The following CSMD1 variants were observed in gnomAD, a reference collection of about 807,000 sequenced individuals.
CSMD1 encodes CUB and Sushi multiple domains 1, also known as CUB and sushi domain-containing protein 1.
Under a neutral mutation model 417.5 loss-of-function variants are expected in CSMD1, and 213 were observed. The ratio of observed to expected loss-of-function variants is 0.51; its 90% CI spans 0.46 to 0.57. CSMD1 has a LOEUF of 0.57. CSMD1 is among the 20% of genes least tolerant of loss of function. The pLI, the probability that CSMD1 is intolerant of heterozygous loss-of-function variation, is 0.00. For synonymous variants in CSMD1, 2,862 were observed against 1,736.8 expected (o/e 1.65, Z -16.11); for missense variants, 6,923 against 4,529.7 (o/e 1.53, Z -15.17).
intron 3 of CSMD1, among the ~76,000 whole-genome samples, chr8:4,356,416 T>C (rs1420366378): frequency 3.3e-5 from 5 of 152,200 alleles, no homozygotes; most frequent in East Asian, 1.9e-4. Flanking sequence ...CAATTGTCAA[T>C]TGTGCTACTA....
intron 3 of CSMD1, among the ~76,000 whole-genome samples, chr8:4,144,409 G>C (rs541574091): frequency 6.6e-6 from 1 of 151,170 alleles, no homozygotes; most frequent in East Asian, 1.9e-4. Context: ...TGTTTTGCCA[G>C]GAAAAATCTG....
At chr8:3,153,176 G>C (rs1213642675) in intron 39 of CSMD1, among the ~76,000 whole-genome samples, 1 of 152,120 alleles carries the variant, frequency 6.6e-6, no homozygotes, top group Non-Finnish European at 1.5e-5. Context: ...TGTGACCTCT[G>C]GTTGTCCTCA....
At chr8:3,260,159 G>C (rs953070737) in intron 26 of CSMD1, among the ~76,000 whole-genome samples, 3 of 152,088 alleles carry the variant, frequency 2.0e-5, no homozygotes, top group Admixed American at 6.6e-5. Flanking sequence ...TCATGTCTTT[G>C]AGTTAAGCAA....
intron 52 of CSMD1, among the ~76,000 whole-genome samples, chr8:3,017,866 C>T (rs1008082287): frequency 1.6e-5 from 2 of 128,554 alleles, no homozygotes; most frequent in African/African-American, 6.1e-5. Context: ...TTCAGAAGAA[C>T]CAAAGGCAAG....
At chr8:4,090,021 G>C (rs143290977) in intron 3 of CSMD1, among the ~76,000 whole-genome samples, 1 of 152,156 alleles carries the variant, frequency 6.6e-6, no homozygotes, top group Non-Finnish European at 1.5e-5. Flanking sequence ...TTTTGTAAAG[G>C]AATTATATTT....
At chr8:3,914,902 TA>T (rs958590377) in intron 5 of CSMD1, among the ~76,000 whole-genome samples, 5 of 152,126 alleles carry the variant, frequency 3.3e-5, no homozygotes, top group African/African-American at 9.7e-5. Context: ...TCTTACAGAA[TA>T]ACTCAATAAT....
intron 5 of CSMD1, among the ~76,000 whole-genome samples, chr8:3,824,329 G>A (rs1801923942): frequency 6.6e-6 from 1 of 152,166 alleles, no homozygotes; most frequent in Non-Finnish European, 1.5e-5. Flanking sequence ...ATACTGAGAG[G>A]TTGCCAGATA....
chr8:3,884,080 C>T (rs1195537586), intron 5 of CSMD1, among the ~76,000 whole-genome samples: 1 of 152,040 alleles, frequency 6.6e-6, no homozygotes, highest in African/African-American at 2.4e-5. Context: ...CATTATTTTC[C>T]AATAAAGGTA....
chr8:4,026,010 A>T (rs1262596418), intron 4 of CSMD1, among the ~76,000 whole-genome samples: 2 of 112,280 alleles, frequency 1.8e-5, no homozygotes, highest in Non-Finnish European at 3.9e-5. Context: ...TAGGAACTCT[A>T]TAAAAAAAAA....
At chr8:4,193,659 C>A (rs1156294853) in intron 3 of CSMD1, among the ~76,000 whole-genome samples, 1 of 152,018 alleles carries the variant, frequency 6.6e-6, no homozygotes, top group East Asian at 1.9e-4. Context: ...TAGTATTTAC[C>A]CAAACACGGC....
At chr8:2,985,860 G>A (rs999541963) in intron 54 of CSMD1, among the ~76,000 whole-genome samples, 6 of 150,580 alleles carry the variant, frequency 4.0e-5, no homozygotes, top group African/African-American at 1.2e-4. Flanking sequence ...GGCCCCAGTG[G>A]CTTCTGAACT....
chr8:3,435,463 A>C (rs182295968), intron 12 of CSMD1, among the ~76,000 whole-genome samples: 35 of 151,952 alleles, frequency 2.3e-4, no homozygotes, highest in Non-Finnish European at 4.7e-4. Context: ...TTAGACCACC[A>C]CATTCTGTCC....
intron 1 of CSMD1, among the ~76,000 whole-genome samples, chr8:4,924,799 G>A (rs1428413537): frequency 2.0e-5 from 3 of 147,172 alleles, no homozygotes; most frequent in Non-Finnish European, 4.5e-5. Context: ...TTTGACATAT[G>A]TATCATATTG....
chr8:4,663,746 G>T (rs1013746966), intron 1 of CSMD1, among the ~76,000 whole-genome samples: 2 of 152,188 alleles, frequency 1.3e-5, no homozygotes, highest in Non-Finnish European at 2.9e-5. Flanking sequence ...CCAGTCACAG[G>T]TAGTTCTTTA....
At chr8:3,907,176 G>C (rs770954022) in intron 5 of CSMD1, among the ~76,000 whole-genome samples, 3 of 152,078 alleles carry the variant, frequency 2.0e-5, no homozygotes, top group African/African-American at 7.2e-5. Context: ...CGGCACACAC[G>C]CATGTTACCT....
At chr8:3,270,443 T>G (rs1284842355) in intron 26 of CSMD1, among the ~76,000 whole-genome samples, 1 of 152,184 alleles carries the variant, frequency 6.6e-6, no homozygotes, top group Non-Finnish European at 1.5e-5. Flanking sequence ...GAAGAAAATT[T>G]ACCAGGTGAT....
intron 3 of CSMD1, among the ~76,000 whole-genome samples, chr8:4,250,341 C>A (rs193290712): frequency 6.6e-6 from 1 of 152,126 alleles, no homozygotes. Flanking sequence ...GCTATGAAGA[C>A]AGAATGTGTG....
At chr8:4,128,339 G>A (rs1404881043) in intron 3 of CSMD1, among the ~76,000 whole-genome samples, 1 of 152,168 alleles carries the variant, frequency 6.6e-6, no homozygotes, top group African/African-American at 2.4e-5. Flanking sequence ...GAGGAGACAA[G>A]AACGTGAACC....
intron 25 of CSMD1, among the ~76,000 whole-genome samples, chr8:3,286,461 T>G (rs1584932365): frequency 1.3e-5 from 2 of 152,216 alleles, no homozygotes; most frequent in African/African-American, 4.8e-5. Context: ...AAAGTGTTCC[T>G]ATTTCTCCAC....
Sources: allele counts gnomAD v4.1 joint callset (sites outside exome capture counted in the v4.1 genomes callset), GRCh38; gene constraint gnomAD v4.1.1; transcripts MANE v1.5; gene names NCBI Gene and HGNC (gene_info 2026-07-23, HGNC 2026-07-21).